The following ROBO2 variants were observed in gnomAD, a reference collection of about 807,000 sequenced individuals.
ROBO2 encodes the protein roundabout guidance receptor 2.
Under a neutral mutation model 160.8 loss-of-function variants are expected in ROBO2, and 53 were observed. That is an observed-to-expected ratio of 0.33 (90% CI 0.26 to 0.41). The LOEUF is 0.41. ROBO2 is among the 10% of genes least tolerant of loss of function. The probability of loss-of-function intolerance (pLI) is 1.00; values close to 1 mark genes in which losing one functional copy is unlikely to be tolerated. For synonymous variants in ROBO2, 664 were observed against 611.7 expected, an observed-to-expected ratio of 1.09 and a Z score of -1.26; for missense variants, 1,577 against 1,722.4, an observed-to-expected ratio of 0.92 and a Z score of 1.49.
intron 2 of ROBO2, among the ~76,000 whole-genome samples, chr3:76,633,300 A>C (rs1277953009): frequency 6.6e-6 from 1 of 152,230 alleles, no homozygotes; most frequent in East Asian, 1.9e-4. Flanking sequence ...CGCACATGAA[A>C]TCAGGCAAGC....
chr3:76,056,357 A>G (rs930812656), intron 2 of ROBO2, among the ~76,000 whole-genome samples: 2 of 152,194 alleles, frequency 1.3e-5, no homozygotes, highest in South Asian at 2.1e-4. Flanking sequence ...ATTAGCCCAT[A>G]GAATATAGTT....
At chr3:77,566,369 T>C (rs1408863487) in intron 12 of ROBO2, among the ~76,000 whole-genome samples, 2 of 152,112 alleles carry the variant, frequency 1.3e-5, no homozygotes, top group East Asian at 3.9e-4. Context: ...ACAAGGAATT[T>C]GAAAATCTGA....
At chr3:76,058,735 G>A (rs1020881894) in intron 2 of ROBO2, among the ~76,000 whole-genome samples, 3 of 149,692 alleles carry the variant, frequency 2.0e-5, no homozygotes, top group African/African-American at 7.4e-5. Flanking sequence ...TGCCATGCTG[G>A]TGTGCTGCAC....
intron 2 of ROBO2, among the ~76,000 whole-genome samples, chr3:77,357,069 T>C (rs2069237824): frequency 6.6e-6 from 1 of 152,182 alleles, no homozygotes; most frequent in Admixed American, 6.5e-5. Flanking sequence ...GTAACTTGCA[T>C]CTGTTGAGAA....
chr3:77,131,884 A>G (rs960962326), intron 2 of ROBO2, among the ~76,000 whole-genome samples: 3 of 152,180 alleles, frequency 2.0e-5, no homozygotes, highest in South Asian at 2.1e-4. Flanking sequence ...GAAAATTACT[A>G]CAACTTTCTG....
At chr3:77,114,717 T>C (rs1314626936) in intron 2 of ROBO2, among the ~76,000 whole-genome samples, 1 of 152,208 alleles carries the variant, frequency 6.6e-6, no homozygotes, top group Non-Finnish European at 1.5e-5. Flanking sequence ...ATTCCTAGTA[T>C]ATCAACTAAA....
At chr3:76,277,000 T>C (rs370585338) in intron 2 of ROBO2, among the ~76,000 whole-genome samples, 1 of 152,082 alleles carries the variant, frequency 6.6e-6, no homozygotes, top group Admixed American at 6.6e-5. Flanking sequence ...AATTTAACTT[T>C]ATACAATATT....
chr3:77,447,688 T>C (rs969294678), intron 2 of ROBO2, among the ~76,000 whole-genome samples: 1 of 152,142 alleles, frequency 6.6e-6, no homozygotes, highest in African/African-American at 2.4e-5. Flanking sequence ...ATTAGTGTCT[T>C]CTTTTAAATT....
chr3:76,423,160 G>C (rs1469301325), intron 2 of ROBO2, among the ~76,000 whole-genome samples: 1 of 152,122 alleles, frequency 6.6e-6, no homozygotes, highest in Non-Finnish European at 1.5e-5. Context: ...CTCAGTAAAA[G>C]CTTAAGGTCA....
At position 77,386,027 on chromosome 3, in the gene ROBO2, A is replaced by G. The variant is rs2074062136; in HGVS notation, c.389-91387A>G. On this transcript the variant is annotated intron_variant, in intron 2 of 25. Coordinates refer to ENST00000461745, the Ensembl canonical transcript of ROBO2. Reference sequence around the variant, plus strand: ...AATGATATTTATGTTTTACTATTCTAATAATAACTAATGCATATTGAGTAT... The same window carrying G: ...AATGATATTTATGTTTTACTATTCTGATAATAACTAATGCATATTGAGTAT... Among the ~76,000 whole-genome samples the G allele has an allele frequency of 1.3e-5, 2 of 152,216 alleles. 1 individual carries two copies. The highest frequency in any genetic ancestry group is 4.1e-4 in the South Asian group (2 of 4,830).
exon 26 of ROBO2, chr3:77,647,229 T>C (rs2095418576): frequency 6.6e-6 from 1 of 152,240 alleles, no homozygotes; most frequent in Non-Finnish European, 1.5e-5. Context: ...TAATACAGTT[T>C]ATATACAACT....
At chr3:77,324,643 AG>A (rs1212707085) in intron 2 of ROBO2, among the ~76,000 whole-genome samples, 2 of 129,072 alleles carry the variant, frequency 1.5e-5, no homozygotes, top group African/African-American at 7.0e-5. Context: ...AGCCGGGTGC[AG>A]TGGTGAGCGC....
At chr3:76,142,353 A>G (rs1431591336) in intron 2 of ROBO2, among the ~76,000 whole-genome samples, 3 of 152,060 alleles carry the variant, frequency 2.0e-5, no homozygotes, top group African/African-American at 7.2e-5. Flanking sequence ...TTTATGGAAG[A>G]GATATCTGCA....
At chr3:76,821,712 G>T (rs2066135225) in intron 2 of ROBO2, among the ~76,000 whole-genome samples, 1 of 151,948 alleles carries the variant, frequency 6.6e-6, no homozygotes, top group Non-Finnish European at 1.5e-5. Flanking sequence ...AGTATTGCTT[G>T]CATGATTCCA....
chr3:77,390,833 T>A (rs1247694052), intron 2 of ROBO2, among the ~76,000 whole-genome samples: 1 of 152,182 alleles, frequency 6.6e-6, no homozygotes, highest in Admixed American at 6.5e-5. Context: ...ATAGTTCTTA[T>A]TGGAATCATT....
At chr3:77,625,413 C>T (rs896946598) in intron 23 of ROBO2, among the ~76,000 whole-genome samples, 1 of 151,562 alleles carries the variant, frequency 6.6e-6, no homozygotes, top group African/African-American at 2.4e-5. Flanking sequence ...GAGTCTCACT[C>T]TATCGCCAGG....
At chr3:76,628,431 A>G (rs998811562) in intron 2 of ROBO2, among the ~76,000 whole-genome samples, 3 of 100,082 alleles carry the variant, frequency 3.0e-5, no homozygotes, top group African/African-American at 1.2e-4. Context: ...ACTAATTTTT[A>G]GGTTTTTTTT....
At chr3:77,584,495 G>A (rs1310497696) in intron 16 of ROBO2, among the ~76,000 whole-genome samples, 1 of 152,082 alleles carries the variant, frequency 6.6e-6, no homozygotes, top group African/African-American at 2.4e-5. Context: ...TTGCTAAAAT[G>A]ATGCATATAA....
intron 1 of ROBO2, among the ~76,000 whole-genome samples, chr3:77,094,527 T>C (rs1417739331): frequency 6.6e-6 from 1 of 152,212 alleles, no homozygotes; most frequent in East Asian, 1.9e-4. Flanking sequence ...ATGTATGGTT[T>C]CATTCTGGGG....
Sources: gnomAD v4.1 joint callset for allele counts (sites outside exome capture counted in the v4.1 genomes callset) on GRCh38, gnomAD v4.1.1 for gene constraint, MANE v1.5 for transcripts, NCBI Gene and HGNC (gene_info 2026-07-23, HGNC 2026-07-21) for gene names.